PTPN5: variants seen among roughly 807,000 people sequenced by gnomAD.
The protein encoded by PTPN5 is tyrosine-protein phosphatase non-receptor type 5.
PTPN5 carries 29 observed loss-of-function variants against 73.9 expected under a neutral mutation model. That is an observed-to-expected ratio of 0.39 (90% CI 0.29 to 0.54). The LOEUF (loss-of-function observed/expected upper bound fraction) is 0.54, where lower values mean the gene tolerates loss of function less well. PTPN5 is among the 20% of genes least tolerant of loss of function. The pLI is 0.65. For synonymous variants in PTPN5, 267 were observed against 304.7 expected (o/e 0.88, Z 1.29); for missense variants, 652 against 751.4 (o/e 0.87, Z 1.55).
At chr11:18,747,378 T>A (rs562703770) in intron 3 of PTPN5, among the ~76,000 whole-genome samples, 14 of 152,322 alleles carry the variant, frequency 9.2e-5, no homozygotes, top group African/African-American at 3.4e-4. Context: ...CTTGAACTCC[T>A]GACCTCAGGT....
intron 1 of PTPN5, among the ~76,000 whole-genome samples, chr11:18,775,096 C>T (rs984366380): frequency 2.0e-5 from 3 of 152,208 alleles, no homozygotes; most frequent in African/African-American, 4.8e-5. Flanking sequence ...GAGGAACGTA[C>T]TAACGTTTCC....
intron 1 of PTPN5, among the ~76,000 whole-genome samples, chr11:18,788,145 G>T (rs1321233431): frequency 1.3e-5 from 2 of 152,106 alleles, no homozygotes; most frequent in Non-Finnish European, 2.9e-5. Flanking sequence ...GTGACACTGT[G>T]GCCTCTTGCA....
In PTPN5 at chr11:18,744,212, G is replaced by C; in HGVS notation, c.98-13C>G. On this transcript the variant is annotated splice_polypyrimidine_tract_variant and intron_variant, in intron 3 of 14. Transcript: ENST00000358540. ...GGCTGGGGGAGACCTGTGGAAGATG[G>C]GCCATGCGGGCCGATGACTCCGGCC... 6.6e-7 allele frequency: 1 copy of C among 1,513,920 alleles called. No homozygotes were observed. The highest frequency in any genetic ancestry group is 8.8e-7 in the Non-Finnish European group (1 of 1,134,820). The allele number at this position is 1,513,920 out of a possible 1,614,324, so 93.8% of individuals were successfully genotyped here. A position where few individuals can be genotyped will look rare whatever the true frequency, so the allele number is the denominator to read the frequency against.
chr11:18,741,177 G>A (rs1019642816), intron 7 of PTPN5, among the ~76,000 whole-genome samples: 2 of 152,120 alleles, frequency 1.3e-5, no homozygotes, highest in East Asian at 1.9e-4. Context: ...GCACAGAAGC[G>A]GGGCTTGGGC....
rs1848715690 is a variant in PTPN5, at chr11:18,728,225, A to G, written c.*709T>C. The G allele has an allele frequency of 6.6e-6, 1 of 152,192 alleles. No individual in the cohort carries two copies. Among genetic ancestry groups the G allele is most frequent in the Admixed American group, 6.6e-5 (1 of 15,264 alleles). 9.4% of individuals were successfully genotyped at this position (152,192 alleles called of 1,614,324 possible). A position where few individuals can be genotyped will look rare whatever the true frequency, so the allele number is the denominator to read the frequency against. On this transcript the variant is annotated 3_prime_UTR_variant, in exon 15 of 15. Coordinates refer to ENST00000358540, the MANE Select transcript of PTPN5 (RefSeq NM_006906.2). This position sits in a 1 kb window ranked among gnomAD's most constrained non-coding sequence, Gnocchi z 4.1. The stretch of plus-strand genomic sequence containing the variant: ...GTAGATCTGGGCTGAGTCCCCACCC[A>G]AACCTTGAGCTCCCCTCCCCTCCCC...
At chr11:18,758,177 CTCCT>C (rs1850236682) in intron 3 of PTPN5, among the ~76,000 whole-genome samples, 2 of 152,194 alleles carry the variant, frequency 1.3e-5, no homozygotes, top group Non-Finnish European at 2.9e-5. Flanking sequence ...CTCTGCACTC[CTCCT>C]ATCAAGAGGT....
chr11:18,742,632 T>C lies in PTPN5; in HGVS notation c.484-129A>G, dbSNP rs556505183. 22 of 1,398,730 alleles carry C rather than the reference T, an allele frequency of 1.6e-5. No individual in the cohort carries two copies. In the South Asian group the frequency reaches 2.8e-4, roughly 18 times the overall value. 86.6% of individuals were successfully genotyped at this position (1,398,730 alleles called of 1,614,324 possible). A position where few individuals can be genotyped will look rare whatever the true frequency, so the allele number is the denominator to read the frequency against. On this transcript the variant is annotated intron_variant, in intron 6 of 14. Transcript: ENST00000358540. The surrounding 1 kb of genome is among the most constrained non-coding windows in gnomAD (Gnocchi z 4.1). ...TAGAGCAGCTCTGCTCTCCTGGGAG[T>C]TGTCCACAAGGCACTGCCCCTGGCC...
At chr11:18,786,242 G>A (rs571239587) in intron 1 of PTPN5, among the ~76,000 whole-genome samples, 79 of 150,650 alleles carry the variant, frequency 5.2e-4, no homozygotes, top group African/African-American at 1.8e-3. Flanking sequence ...TCGCTCTTTC[G>A]CCCAGGCTGT....
At chr11:18,786,761 T>C (rs970793468) in intron 1 of PTPN5, among the ~76,000 whole-genome samples, 1 of 152,186 alleles carries the variant, frequency 6.6e-6, no homozygotes, top group African/African-American at 2.4e-5. Flanking sequence ...TCCAGCCAGT[T>C]TTCCCATCTC....
rs1460315960 is a variant in PTPN5 at position 18,727,949 on chromosome 11, C to T, written c.*985G>A. The T allele has an allele frequency of 6.6e-6, 1 of 152,562 alleles. No homozygotes were observed. The highest frequency in any genetic ancestry group is 1.5e-5 in the Non-Finnish European group (1 of 68,034). 9.5% of individuals were successfully genotyped at this position (152,562 alleles called of 1,614,324 possible). ...GAGGTTAGTTTTGCTCAAAATGCTC[C>T]GTTTATTGCTCTATTCAATGACCAC... On this transcript the variant is annotated 3_prime_UTR_variant, in exon 15 of 15. Transcript: ENST00000358540.
At chr11:18,740,561 T>C (rs764996464) in intron 8 of PTPN5, 42 bp downstream of exon 8, 14 of 1,382,994 alleles carry the variant, frequency 1.0e-5, no homozygotes, top group Middle Eastern at 3.8e-4. Context: ...ATGATTGACA[T>C]GGGTCTGCAC....
intron 3 of PTPN5, among the ~76,000 whole-genome samples, chr11:18,761,954 G>A (rs577451060): frequency 2.0e-5 from 3 of 152,312 alleles, no homozygotes; most frequent in South Asian, 2.1e-4. Flanking sequence ...GTGACTGTGC[G>A]TGGGAACATG....
chr11:18,777,190 A>T (rs1269040877), intron 1 of PTPN5, among the ~76,000 whole-genome samples: 2 of 152,028 alleles, frequency 1.3e-5, no homozygotes, highest in African/African-American at 2.4e-5. Flanking sequence ...ACAACACCAT[A>T]AAAGTAGTAA....
intron 9 of PTPN5, among the ~76,000 whole-genome samples, chr11:18,737,295 G>A (rs1420261423): frequency 1.3e-5 from 2 of 152,182 alleles, no homozygotes; most frequent in East Asian, 1.9e-4. Flanking sequence ...GACCTTCTAG[G>A]GGACTGCTCG....
At chr11:18,738,591 C>T (rs919502315) in intron 8 of PTPN5, among the ~76,000 whole-genome samples, 1 of 152,154 alleles carries the variant, frequency 6.6e-6, no homozygotes, top group Admixed American at 6.5e-5. Context: ...GTTCTCAGTC[C>T]TGCCTCTGAG....
At chr11:18,747,576 ATG>A (rs1849698860) in intron 3 of PTPN5, among the ~76,000 whole-genome samples, 1 of 152,206 alleles carries the variant, frequency 6.6e-6, no homozygotes, top group Non-Finnish European at 1.5e-5. Context: ...CTTCAGGAAG[ATG>A]TGTGACATTT....
chr11:18,785,176 C>T (rs931893799), intron 1 of PTPN5, among the ~76,000 whole-genome samples: 3 of 152,094 alleles, frequency 2.0e-5, no homozygotes, highest in South Asian at 2.1e-4. Context: ...CTACTCCAGA[C>T]GCCAGGGCCA....
chr11:18,744,629 CAT>C (rs1849533741), intron 3 of PTPN5, among the ~76,000 whole-genome samples: 1 of 152,056 alleles, frequency 6.6e-6, no homozygotes, highest in South Asian at 2.1e-4. Context: ...ATTTTTGTCT[CAT>C]GTGGGCCATG....
In PTPN5 at chr11:18,729,997, C is replaced by CA; in HGVS notation, c.1330-180dup. The CA allele has an allele frequency of 2.5e-6, 2 of 801,018 alleles. No homozygotes were observed. The highest frequency in any genetic ancestry group is 4.0e-6 in the Non-Finnish European group (2 of 496,680). The allele number at this position is 801,018 out of a possible 1,614,324, so 49.6% of individuals were successfully genotyped here. A position where few individuals can be genotyped will look rare whatever the true frequency, so the allele number is the denominator to read the frequency against. ...GTGGCACCAGACACAGACCCAAAGCCAGCTTGGTTTTGGGGGTTGGTCAGC... is the reference window on the plus strand; with the variant it reads ...GTGGCACCAGACACAGACCCAAAGCCAAGCTTGGTTTTGGGGGTTGGTCAGC... On this transcript the variant is annotated intron_variant, in intron 12 of 14. Coordinates refer to ENST00000358540, the MANE Select transcript of PTPN5 (RefSeq NM_006906.2). The surrounding 1 kb of genome is among the most constrained non-coding windows in gnomAD (Gnocchi z 5.2).
Sources: gnomAD v4.1 joint callset for allele counts (sites outside exome capture counted in the v4.1 genomes callset) on GRCh38, gnomAD v4.1.1 for gene constraint, Gnocchi (gnomAD v3.1) non-coding constraint, MANE v1.5 for transcripts, NCBI Gene and HGNC (gene_info 2026-07-23, HGNC 2026-07-21) for gene names.